ZWINT: variants seen among roughly 807,000 people sequenced by gnomAD.
ZWINT encodes the protein ZW10 interacting kinetochore protein.
A neutral mutation model predicts 41.5 loss-of-function variants in ZWINT; 41 were observed. That is an observed-to-expected ratio of 0.99 (90% CI 0.77 to 1.28). The LOEUF is 1.28. ZWINT is among the 50% of genes most tolerant of loss of function. The pLI, the probability that ZWINT is intolerant of heterozygous loss-of-function variation, is 0.00. For missense variants in ZWINT, 369 were observed against 329.7 expected (o/e 1.12, Z -0.92); for synonymous variants, 132 against 126.8 (o/e 1.04, Z -0.28).
Position 56,357,523 on chromosome 10 carries a change from C to G in ZWINT, c.*704G>C. 1 of 152,326 alleles carries G rather than the reference C, an allele frequency of 6.6e-6. No individual in the cohort carries two copies. The highest frequency in any genetic ancestry group is 1.9e-4 in the East Asian group (1 of 5,186). The allele number at this position is 152,326 out of a possible 1,614,324, so 9.4% of individuals were successfully genotyped here. A position where few individuals can be genotyped will look rare whatever the true frequency, so the allele number is the denominator to read the frequency against. On this transcript the variant is annotated 3_prime_UTR_variant, in exon 9 of 9. Transcript: ENST00000373944. ...ATCATCTGATAAAAGTAAGAGTTGA[C>G]AAAAAAGGTACATCTTCTCCAATCC...
At chr10:56,359,046 C>A in intron 5 of ZWINT, 99 bp from the exon 6 acceptor site, 2 of 1,433,544 alleles carry the variant, frequency 1.4e-6, no homozygotes, top group Non-Finnish European at 9.4e-7. Context: ...GGCTCAGGCT[C>A]AATGATGAAA....
rs149832287 is a variant in ZWINT, at chr10:56,358,179, C to CA, written c.*47dup. On this transcript the variant is annotated 3_prime_UTR_variant, in exon 9 of 9. Transcript: ENST00000373944. ...ATGATGGTTGGGAGGTGAGGGAAGT[C>CA]AGAGGCCTGGGGAAGAAGACAGGGG... 8.7e-4 allele frequency: 651 copies of CA among 749,414 alleles called. 4 individuals are homozygous for CA. The African/African-American group carries it at 9.9e-3, about 11-fold the overall frequency. 46.4% of individuals were successfully genotyped at this position (749,414 alleles called of 1,614,324 possible). A position where few individuals can be genotyped will look rare whatever the true frequency, so the allele number is the denominator to read the frequency against.
At position 56,357,745 on chromosome 10, in the gene ZWINT, A is replaced by C; in HGVS notation, c.*482T>G. On this transcript the variant is annotated 3_prime_UTR_variant, in exon 9 of 9. Transcript: ENST00000373944. ...TGTTAACACTAGGCTGTACATCCTA[A>C]AACAGTCAGATGAGCTCACTGTTAT... The C allele has an allele frequency of 3.4e-6, 1 of 291,962 alleles. No homozygotes were observed. Among genetic ancestry groups the C allele is most frequent in the Non-Finnish European group, 6.7e-6 (1 of 150,040 alleles). 18.1% of individuals were successfully genotyped at this position (291,962 alleles called of 1,614,324 possible).
intron 1 of ZWINT, among the ~76,000 whole-genome samples, chr10:56,360,687 G>A (rs1273388801): frequency 6.6e-6 from 1 of 152,206 alleles, no homozygotes; most frequent in Non-Finnish European, 1.5e-5. Context: ...AATCATTTGA[G>A]TCAAGATGTG....
chr10:56,361,169 A>T (rs376796810), intron 1 of ZWINT, 27 bp downstream of exon 1: 40 of 1,612,668 alleles, frequency 2.5e-5, no homozygotes, highest in Non-Finnish European at 3.1e-5. Flanking sequence ...GCCCGGCCCC[A>T]GCTGCCACTT....
intron 1 of ZWINT, 105 bp from the exon 2 acceptor site, chr10:56,360,488 G>A: frequency 3.2e-6 from 3 of 924,150 alleles, no homozygotes; most frequent in Non-Finnish European, 4.9e-6. Context: ...AGTATATATA[G>A]TATTGAGAGT....
At position 56,360,115 on chromosome 10, in the gene ZWINT, G is replaced by T. The variant is rs775211602; in HGVS notation, c.159C>A (p.Leu53=). The change falls in exon 3 of 9, where the codon CTC becomes CTA. Residue 53 remains leucine, a synonymous_variant. Transcript: ENST00000373944. ...AATCCGCTACCTGAAGCTGGCTGCAGAGCAGCTTGTCTTTCTTCTGAGAGT... is the reference window on the plus strand; with the variant it reads ...AATCCGCTACCTGAAGCTGGCTGCATAGCAGCTTGTCTTTCTTCTGAGAGT... The part of the protein sequence containing the change: ...VVDSQKKDKL[L]CSQLQVADFL... 2.5e-6 allele frequency: 4 copies of T among 1,614,118 alleles called. No individual in the cohort carries two copies. Among genetic ancestry groups the T allele is most frequent in the Non-Finnish European group, 2.5e-6 (3 of 1,180,042 alleles).
At chr10:56,358,230 G>C in intron 8 of ZWINT, 45 bp from the exon 9 acceptor site, 1 of 832,200 alleles carries the variant, frequency 1.2e-6, no homozygotes, top group South Asian at 1.3e-5. Context: ...CTAAGCATGG[G>C]AATGAGGTGT....
intron 8 of ZWINT, 42 bp from the exon 9 acceptor site, chr10:56,358,227 T>C: frequency 1.2e-6 from 1 of 822,726 alleles, no homozygotes; most frequent in East Asian, 2.4e-5. Flanking sequence ...GGGCTAAGCA[T>C]GGGAATGAGG....
At position 56,358,176 on chromosome 10, in the gene ZWINT, A is replaced by C. The variant is rs772289739; in HGVS notation, c.*51T>G. ...GTAATGATGGTTGGGAGGTGAGGGA[A>C]GTCAGAGGCCTGGGGAAGAAGACAG... is the stretch of plus-strand genomic sequence containing the variant. On this transcript the variant is annotated 3_prime_UTR_variant, in exon 9 of 9. Coordinates refer to ENST00000373944, the MANE Select transcript of ZWINT (RefSeq NM_007057.4). 4 of 740,772 alleles carry C rather than the reference A, an allele frequency of 5.4e-6. No homozygotes were observed. The African/African-American group carries it at 6.9e-5, about 13-fold the overall frequency. 45.9% of individuals were successfully genotyped at this position (740,772 alleles called of 1,614,324 possible).
At chr10:56,360,162 G>C (rs1564452488) in intron 2 of ZWINT, 21 bp from the exon 3 acceptor site, 1 of 1,613,584 alleles carries the variant, frequency 6.2e-7, no homozygotes, top group Admixed American at 1.7e-5. Context: ...GGAGGGCAGA[G>C]ACAGGGAACA....
intron 5 of ZWINT, 62 bp downstream of exon 5, chr10:56,359,414 G>T: frequency 6.8e-7 from 1 of 1,462,014 alleles, no homozygotes; most frequent in South Asian, 1.5e-5. Context: ...CTAGACAGGG[G>T]ACACAGCCGA....
chr10:56,359,632 C>T (rs1413498185), intron 4 of ZWINT, 55 bp downstream of exon 4: 2 of 1,609,176 alleles, frequency 1.2e-6, no homozygotes, highest in Non-Finnish European at 1.7e-6. Flanking sequence ...CTCACTCTTT[C>T]CCTCTTCCTT....
intron 2 of ZWINT, 72 bp from the exon 3 acceptor site, chr10:56,360,213 C>T (rs1838292803): frequency 1.2e-6 from 2 of 1,610,994 alleles, no homozygotes; most frequent in African/African-American, 2.7e-5. Flanking sequence ...TGCTCTCTGC[C>T]AGTGCTGCCC....
At position 56,358,476 on chromosome 10, in the gene ZWINT, A is replaced by G. The variant is rs925349164; in HGVS notation, c.793-17T>C. On this transcript the variant is annotated splice_polypyrimidine_tract_variant and intron_variant, in intron 7 of 8. Coordinates refer to ENST00000373944, the MANE Select transcript of ZWINT (RefSeq NM_007057.4). ...ACCAACAGCCTTGGAGAAATACAGT[A>G]TAGACAGTGGGTAAGGCCAATCTCC... is the stretch of plus-strand genomic sequence containing the variant. 7 of 1,614,090 alleles carry G rather than the reference A, an allele frequency of 4.3e-6. No individual in the cohort carries two copies. Among genetic ancestry groups the G allele is most frequent in the Non-Finnish European group, 5.9e-6 (7 of 1,180,016 alleles).
In ZWINT at chr10:56,358,213, G is replaced by A. The variant is rs372245784; in HGVS notation, c.*42-28C>T. The A allele has an allele frequency of 2.9e-5, 23 of 785,784 alleles. No individual in the cohort carries two copies. The African/African-American group carries it at 3.0e-4, about 10-fold the overall frequency. The allele number at this position is 785,784 out of a possible 1,614,324, so 48.7% of individuals were successfully genotyped here. A position where few individuals can be genotyped will look rare whatever the true frequency, so the allele number is the denominator to read the frequency against. On this transcript the variant is annotated intron_variant, in intron 8 of 8. Transcript: ENST00000373944. ...GGGGAAGAAGACAGGGGTTAGCTCT[G>A]GGTGGGCTAAGCATGGGAATGAGGT...
intron 5 of ZWINT, among the ~76,000 whole-genome samples, 198 bp from the exon 6 acceptor site, chr10:56,359,145 G>A (rs562790549): frequency 2.0e-5 from 3 of 152,260 alleles, no homozygotes; most frequent in East Asian, 1.9e-4. Flanking sequence ...GCATTCTTGC[G>A]GGGAAGGGGC....
At chr10:56,358,265 C>T in intron 8 of ZWINT, 80 bp from the exon 9 acceptor site, 3 of 944,616 alleles carry the variant, frequency 3.2e-6, no homozygotes, top group Admixed American at 3.4e-5. Flanking sequence ...CCTGTTCCCA[C>T]CATCCATCTG....
chr10:56,359,503 T>G lies in ZWINT; in HGVS notation c.453A>C (p.Ala151=). Residue 151 remains alanine, a synonymous_variant, in exon 5 of 9, where the codon GCA becomes GCC. Transcript: ENST00000373944. ...GTTGTAGCTGCCACTGGTTCTGGAC[T>G]GCTCTGCGTTTCTCCATGGCCATTT... ...KKQMAMEKRR[A]VQNQWQLQQE... is the part of the protein sequence containing the mutation. 6.5e-7 allele frequency: 1 copy of G among 1,549,536 alleles called. No individual in the cohort carries two copies. Among genetic ancestry groups the G allele is most frequent in the Non-Finnish European group, 8.7e-7 (1 of 1,152,386 alleles).
Sources: gnomAD v4.1 joint callset for allele counts (sites outside exome capture counted in the v4.1 genomes callset) on GRCh38, gnomAD v4.1.1 for gene constraint, MANE v1.5 for transcripts, NCBI Gene and HGNC (gene_info 2026-07-23, HGNC 2026-07-21) for gene names.